Variants in ZNF639 observed in about 807,000 individuals in gnomAD.
The protein encoded by ZNF639 is zinc finger amplified in esophageal squamous cell carcinomas 1.
Under a neutral mutation model 39.8 loss-of-function variants are expected in ZNF639, and 20 were observed. The ratio of observed to expected loss-of-function variants is 0.50; its 90% CI spans 0.35 to 0.73. The LOEUF is 0.73. ZNF639 is among the 30% of genes least tolerant of loss of function. The pLI is 0.00. For missense variants in ZNF639, 477 were observed against 566.2 expected (o/e 0.84, Z 1.60); for synonymous variants, 176 against 189.8 (o/e 0.93, Z 0.60).
At chr3:179,328,561 T>C (rs1483614619) in intron 3 of ZNF639, among the ~76,000 whole-genome samples, 1 of 152,236 alleles carries the variant, frequency 6.6e-6, no homozygotes, top group African/African-American at 2.4e-5. Context: ...ATTATATTAT[T>C]CCTCACAGCT....
In ZNF639 at chr3:179,323,260, G is replaced by A. The variant is rs1269280827; in HGVS notation, c.-114G>A. 1 of 985,360 alleles carries A rather than the reference G, an allele frequency of 1.0e-6. No homozygotes were observed. Among genetic ancestry groups the A allele is most frequent in the Non-Finnish European group, 1.2e-6 (1 of 830,018 alleles). 61.0% of individuals were successfully genotyped at this position (985,360 alleles called of 1,614,324 possible). A position where few individuals can be genotyped will look rare whatever the true frequency, so the allele number is the denominator to read the frequency against. On this transcript the variant is annotated 5_prime_UTR_variant, in exon 1 of 6. Coordinates refer to ENST00000496856, the MANE Select transcript of ZNF639 (RefSeq NM_001303426.2). ...TCTCGGCCGCCGCCGCCTCTGCGTGGGCCGGCCGGGAGGGCCTCGGGGGAC... is the reference window on the plus strand; with the variant it reads ...TCTCGGCCGCCGCCGCCTCTGCGTGAGCCGGCCGGGAGGGCCTCGGGGGAC...
intron 2 of ZNF639, chr3:179,327,931 C>A: frequency 1.2e-5 from 2 of 162,738 alleles, no homozygotes; most frequent in Non-Finnish European, 2.7e-5. Flanking sequence ...TATAAAACTC[C>A]TAGTATGGTG....
chr3:179,326,475 A>T (rs1727598742), intron 1 of ZNF639, among the ~76,000 whole-genome samples: 1 of 152,248 alleles, frequency 6.6e-6, no homozygotes, highest in Admixed American at 6.5e-5. Flanking sequence ...CCTCAATAAC[A>T]GGAACTATAA....
Position 179,330,213 on chromosome 3 carries a change from A to T in ZNF639, c.169+485A>T, listed in dbSNP as rs1011444469. Among the ~76,000 whole-genome samples the T allele has an allele frequency of 7.2e-5, 11 of 152,044 alleles. No homozygotes were observed. In the East Asian group the frequency reaches 1.9e-3, roughly 27 times the overall value. The stretch of plus-strand genomic sequence containing the variant: ...GGCTTGAGCCACCGTGCCCGGCTGT[A>T]ATTTTAACTTTTAACATTATTTCTG... On this transcript the variant is annotated intron_variant, in intron 4 of 5. Transcript: ENST00000496856.
intron 4 of ZNF639, among the ~76,000 whole-genome samples, chr3:179,332,439 A>G (rs145373645): frequency 3.9e-5 from 6 of 152,310 alleles, no homozygotes; most frequent in African/African-American, 1.4e-4. Context: ...CCTGGACAAC[A>G]TAGCAAGACC....
In ZNF639 at chr3:179,323,468, C is replaced by T. The variant is rs555039686; in HGVS notation, c.-83+177C>T. ...CCCTCCCCCATCCCGAAGGCAGTTC[C>T]ACCCCCTGCGCAGGACGCCTTGGCC... On this transcript the variant is annotated intron_variant, in intron 1 of 5. Coordinates refer to ENST00000496856, the MANE Select transcript of ZNF639 (RefSeq NM_001303426.2). Among the ~76,000 whole-genome samples the T allele has an allele frequency of 1.7e-4, 26 of 152,288 alleles. 1 individual carries two copies. In the East Asian group the frequency reaches 4.8e-3, roughly 28 times the overall value.
chr3:179,329,375 CA>C (rs1457854323), intron 3 of ZNF639, among the ~76,000 whole-genome samples: 2 of 152,110 alleles, frequency 1.3e-5, no homozygotes, highest in African/African-American at 2.4e-5. Context: ...GAGTATAAAA[CA>C]AATGTATCCT....
chr3:179,333,351 T>C lies in ZNF639; in HGVS notation c.387T>C (p.Pro129=), dbSNP rs146035295. The part of the protein sequence containing the change: ...SVNQQTQEES[P]IEVHTAEDVP... ...ACCAGCAAACCCAAGAGGAGAGTCC[T>C]ATAGAAGTTCACACTGCTGAAGATG... Residue 129 remains proline (P), a synonymous_variant, in exon 6 of 6, where the codon CCT becomes CCC. Coordinates refer to ENST00000496856, the MANE Select transcript of ZNF639 (RefSeq NM_001303426.2). 1.4e-5 allele frequency: 23 copies of C among 1,614,138 alleles called. No homozygotes were observed. In the African/African-American group the frequency reaches 1.9e-4, roughly 13 times the overall value.
chr3:179,333,324 C>T lies in ZNF639; in HGVS notation c.360C>T (p.Val120=), dbSNP rs1171104495. The T allele has an allele frequency of 6.8e-6, 11 of 1,613,328 alleles. No homozygotes were observed. Among genetic ancestry groups the T allele is most frequent in the Non-Finnish European group, 9.3e-6 (11 of 1,179,814 alleles). Residue 120 remains valine, a synonymous_variant, in exon 6 of 6, where the codon GTC becomes GTT. Transcript: ENST00000496856. ...AAGAGTGTGACTCACCTGAATCAGT[C>T]AACCAGCAAACCCAAGAGGAGAGTC... ...CDEECDSPES[V]NQQTQEESPI...
chr3:179,326,237 C>T (rs1300593994), intron 1 of ZNF639, among the ~76,000 whole-genome samples: 1 of 151,834 alleles, frequency 6.6e-6, no homozygotes, highest in Non-Finnish European at 1.5e-5. Context: ...GGCGGGCGCC[C>T]GTAATCCCGG....
rs1425628849 is a variant in ZNF639, at chr3:179,337,849, C to A, written c.*3427C>A. 6.6e-6 allele frequency: 1 copy of A among 152,260 alleles called. No individual in the cohort carries two copies. The allele number at this position is 152,260 out of a possible 1,614,324, so 9.4% of individuals were successfully genotyped here. ...GTGGCGTGATCTTGGCTCGCTGCAA[C>A]CTCTGCCTCCCGGGTTTAAGCAATT... On this transcript the variant is annotated 3_prime_UTR_variant, in exon 6 of 6. Coordinates refer to ENST00000496856, the MANE Select transcript of ZNF639 (RefSeq NM_001303426.2).
At position 179,333,870 on chromosome 3, in the gene ZNF639, T is replaced by G; in HGVS notation, c.906T>G (p.Ser302Arg). 1 of 1,614,202 alleles carries G rather than the reference T, an allele frequency of 6.2e-7. No individual in the cohort carries two copies. The highest frequency in any genetic ancestry group is 8.5e-7 in the Non-Finnish European group (1 of 1,180,030). ...GTGATGTACAGTTCTCCTCAAGCAG[T>G]GAACTCTACCTACATTTCCAGGAGC... The part of the protein sequence containing the change: ...EQCDVQFSSS[S>R]ELYLHFQEHS... The change falls in exon 6 of 6, where the codon AGT becomes AGG. Residue 302 changes from serine (S) to arginine (R), a missense_variant. Physicochemically the swap from Ser to Arg is moderately radical, Grantham distance 110 (BLOSUM62 -1). Coordinates refer to ENST00000496856, the MANE Select transcript of ZNF639 (RefSeq NM_001303426.2).
chr3:179,337,102 CA>C lies in ZNF639; in HGVS notation c.*2689del, dbSNP rs895700499. 4 of 149,906 alleles carry C rather than the reference CA, an allele frequency of 2.7e-5. No individual in the cohort carries two copies. The highest frequency in any genetic ancestry group is 2.1e-4 in the South Asian group (1 of 4,742). The allele number at this position is 149,906 out of a possible 1,614,324, so 9.3% of individuals were successfully genotyped here. ...TGAAACCCCGTCTCTACTAAAAATACAAAAAAAAATTAGCTGGGCGTGGTGG... is the reference window on the plus strand; with the variant it reads ...TGAAACCCCGTCTCTACTAAAAATACAAAAAAAATTAGCTGGGCGTGGTGG... On this transcript the variant is annotated 3_prime_UTR_variant, in exon 6 of 6. Transcript: ENST00000496856.
At chr3:179,323,405 C>T in intron 1 of ZNF639, 114 bp downstream of exon 1, 2 of 983,730 alleles carry the variant, frequency 2.0e-6, no homozygotes, top group Non-Finnish European at 2.4e-6. Context: ...TCCCTTTATA[C>T]GGAAACTCTG....
In ZNF639 at chr3:179,323,253, C is replaced by T. The variant is rs1179540042; in HGVS notation, c.-121C>T. 40 of 985,348 alleles carry T rather than the reference C, an allele frequency of 4.1e-5. No homozygotes were observed. The highest frequency in any genetic ancestry group is 4.2e-5 in the Non-Finnish European group (35 of 830,030). 61.0% of individuals were successfully genotyped at this position (985,348 alleles called of 1,614,324 possible). A position where few individuals can be genotyped will look rare whatever the true frequency, so the allele number is the denominator to read the frequency against. On this transcript the variant is annotated 5_prime_UTR_variant, in exon 1 of 6. Coordinates refer to ENST00000496856, the MANE Select transcript of ZNF639 (RefSeq NM_001303426.2). Reference sequence around the variant, plus strand: ...CCTGCGCTCTCGGCCGCCGCCGCCTCTGCGTGGGCCGGCCGGGAGGGCCTC... The same window carrying T: ...CCTGCGCTCTCGGCCGCCGCCGCCTTTGCGTGGGCCGGCCGGGAGGGCCTC...
upstream of ZNF639, chr3:179,322,971 G>T: frequency 1.0e-6 from 1 of 985,124 alleles, no homozygotes; most frequent in East Asian, 1.1e-4. Flanking sequence ...GTGCGTTCGC[G>T]CAGCCCGCTC....
In ZNF639 at chr3:179,323,199, T is replaced by C. The variant is rs1183026071; in HGVS notation, c.-175T>C. 3 of 984,640 alleles carry C rather than the reference T, an allele frequency of 3.0e-6. No homozygotes were observed. Among genetic ancestry groups the C allele is most frequent in the Non-Finnish European group, 3.6e-6 (3 of 829,792 alleles). The allele number at this position is 984,640 out of a possible 1,614,324, so 61.0% of individuals were successfully genotyped here. A position where few individuals can be genotyped will look rare whatever the true frequency, so the allele number is the denominator to read the frequency against. On this transcript the variant is annotated 5_prime_UTR_variant, in exon 1 of 6. Transcript: ENST00000496856. ...GAGCAGCGCTGCCCGCCGCCGTGCGTCCGCGGGAAGGACCGCGCGGCCCCT... is the reference window on the plus strand; with the variant it reads ...GAGCAGCGCTGCCCGCCGCCGTGCGCCCGCGGGAAGGACCGCGCGGCCCCT...
rs1357973236 is a variant in ZNF639 at position 179,337,931 on chromosome 3, T to G, written c.*3509T>G. ...ACAGGTGCCCACCACCACACCCAGCTAATTTTTCTATTTTTAGTAGAGATG... is the reference window on the plus strand; with the variant it reads ...ACAGGTGCCCACCACCACACCCAGCGAATTTTTCTATTTTTAGTAGAGATG... On this transcript the variant is annotated 3_prime_UTR_variant, in exon 6 of 6. Transcript: ENST00000496856. 6.6e-6 allele frequency: 1 copy of G among 152,020 alleles called. No homozygotes were observed. Among genetic ancestry groups the G allele is most frequent in the African/African-American group, 2.4e-5 (1 of 41,358 alleles). The allele number at this position is 152,020 out of a possible 1,614,324, so 9.4% of individuals were successfully genotyped here. A position where few individuals can be genotyped will look rare whatever the true frequency, so the allele number is the denominator to read the frequency against.
rs1162343886 is a variant in ZNF639 at position 179,323,237 on chromosome 3, TCGGCCGCCGCCGCCTCTGCGTGGGC to T, written c.-130_-106del. 1.2e-5 allele frequency: 12 copies of T among 985,026 alleles called. No homozygotes were observed. The highest frequency in any genetic ancestry group is 1.8e-5 in the African/African-American group (1 of 57,122). 61.0% of individuals were successfully genotyped at this position (985,026 alleles called of 1,614,324 possible). A position where few individuals can be genotyped will look rare whatever the true frequency, so the allele number is the denominator to read the frequency against. ...CCGCGCGGCCCCTCCGCCTGCGCTC[TCGGCCGCCGCCGCCTCTGCGTGGGC>T]CGGCCGGGAGGGCCTCGGGGGACTG... On this transcript the variant is annotated 5_prime_UTR_variant, in exon 1 of 6. Transcript: ENST00000496856.
Sources: allele counts gnomAD v4.1 joint callset (sites outside exome capture counted in the v4.1 genomes callset), GRCh38; gene constraint gnomAD v4.1.1; transcripts MANE v1.5; gene names NCBI Gene and HGNC (gene_info 2026-07-23, HGNC 2026-07-21).